Variants in RPTOR observed in about 807,000 individuals in gnomAD.
RPTOR encodes regulatory associated protein of MTOR complex 1.
RPTOR carries 21 observed loss-of-function variants against 169.9 expected under a neutral mutation model. That is an observed-to-expected ratio of 0.12 (90% CI 0.09 to 0.18). RPTOR has a LOEUF of 0.18. RPTOR is among the 10% of genes least tolerant of loss of function. RPTOR has a pLI of 1.00. For synonymous variants in RPTOR, 732 were observed against 753.2 expected (o/e 0.97, Z 0.46); for missense variants, 1,133 against 1,855.9 (o/e 0.61, Z 7.16).
intron 9 of RPTOR, among the ~76,000 whole-genome samples, chr17:80,828,475 C>T (rs990180296): frequency 6.6e-6 from 1 of 152,222 alleles, no homozygotes; most frequent in Non-Finnish European, 1.5e-5. Context: ...TCCCACGCTT[C>T]GATGCCTGGC....
intron 10 of RPTOR, among the ~76,000 whole-genome samples, chr17:80,840,760 ACGG>A (rs2067631810): frequency 9.6e-6 from 1 of 104,324 alleles, no homozygotes; most frequent in African/African-American, 3.8e-5. Flanking sequence ...CTCTCACCAC[ACGG>A]CAGCTCTCAC....
chr17:80,784,700 CTT>C (rs201356839), intron 6 of RPTOR, among the ~76,000 whole-genome samples: 32 of 137,360 alleles, frequency 2.3e-4, no homozygotes, highest in South Asian at 2.3e-4. Flanking sequence ...GCCTATTTTA[CTT>C]TTTTTTTTTT....
Position 80,730,540 on chromosome 17 carries a change from G to A in RPTOR, c.508-20G>A, listed in dbSNP as rs753781366. On this transcript the variant is annotated intron_variant, in intron 4 of 33. Coordinates refer to ENST00000306801, the MANE Select transcript of RPTOR (RefSeq NM_020761.3). The surrounding 1 kb of genome is among the most constrained non-coding windows in gnomAD (Gnocchi z 4.2). Reference sequence around the variant, plus strand: ...TTCCTGAGACGCACATGTAACGAGCGCACTTTGTGTGTTTTCTAGAACTAC... The same window carrying A: ...TTCCTGAGACGCACATGTAACGAGCACACTTTGTGTGTTTTCTAGAACTAC... 9 of 1,610,102 alleles carry A rather than the reference G, an allele frequency of 5.6e-6. No individual in the cohort carries two copies. Among genetic ancestry groups the A allele is most frequent in the African/African-American group, 1.3e-5 (1 of 74,842 alleles).
chr17:80,812,190 G>T (rs982604210), intron 7 of RPTOR, among the ~76,000 whole-genome samples: 2 of 152,192 alleles, frequency 1.3e-5, no homozygotes, highest in Admixed American at 1.3e-4. Flanking sequence ...TTCCAAAATT[G>T]TTCACTTTGT....
chr17:80,959,235 G>T lies in RPTOR; in HGVS notation c.3478-843G>T, dbSNP rs961229803. On this transcript the variant is annotated intron_variant, in intron 29 of 33. Transcript: ENST00000306801. The surrounding 1 kb of genome is among the most constrained non-coding windows in gnomAD (Gnocchi z 6.7). ...ACCTTCTTTGGGGTGGGGGGGTCTT[G>T]CACCTGTCTGGAGCTGTGGCTCCAC... Among the ~76,000 whole-genome samples the T allele has an allele frequency of 6.6e-6, 1 of 152,206 alleles. No individual in the cohort carries two copies. The highest frequency in any genetic ancestry group is 1.5e-5 in the Non-Finnish European group (1 of 68,024).
rs1004135978 is a variant in RPTOR, at chr17:80,721,579, C to A, written c.508-8981C>A. ...GCAGGAGCATCCTTTGGGCTCTTACCTCAGTCGGTGGGGCTGGGCAGCTGG... is the reference window on the plus strand; with the variant it reads ...GCAGGAGCATCCTTTGGGCTCTTACATCAGTCGGTGGGGCTGGGCAGCTGG... On this transcript the variant is annotated intron_variant, in intron 4 of 33. Coordinates refer to ENST00000306801, the MANE Select transcript of RPTOR (RefSeq NM_020761.3). The surrounding 1 kb of genome is among the most constrained non-coding windows in gnomAD (Gnocchi z 4.7). 1.9e-4 allele frequency among the ~76,000 whole-genome samples: 29 copies of A among 151,466 alleles called. 2 individuals are homozygous for A. Among genetic ancestry groups the A allele is most frequent in the African/African-American group, 6.6e-4 (27 of 40,768 alleles).
intron 2 of RPTOR, among the ~76,000 whole-genome samples, chr17:80,632,681 T>C (rs2065451187): frequency 6.6e-6 from 1 of 152,202 alleles, no homozygotes; most frequent in Non-Finnish European, 1.5e-5. Flanking sequence ...AATGGGTAGG[T>C]TCCTGGTCCT....
Position 80,943,565 on chromosome 17 carries a change from G to A in RPTOR, c.3026-2102G>A, listed in dbSNP as rs538154732. On this transcript the variant is annotated intron_variant, in intron 25 of 33. Coordinates refer to ENST00000306801, the MANE Select transcript of RPTOR (RefSeq NM_020761.3). ...TGCTGCAAAGGGCGCCAACTTCTGTGGCTCCCCCCGTTGTCCCAGTGTGCA... is the reference window on the plus strand; with the variant it reads ...TGCTGCAAAGGGCGCCAACTTCTGTAGCTCCCCCCGTTGTCCCAGTGTGCA... 7.2e-5 allele frequency among the ~76,000 whole-genome samples: 11 copies of A among 152,290 alleles called. No homozygotes were observed. In the South Asian group the frequency reaches 1.4e-3, roughly 20 times the overall value.
chr17:80,665,430 T>G (rs1287489424), intron 3 of RPTOR, among the ~76,000 whole-genome samples: 167 of 15,362 alleles, frequency 0.011, 11 homozygotes, highest in African/African-American at 0.1. Context: ...TTCCTTTCCT[T>G]TCCTTTCCTT....
At chr17:80,554,438 G>T (rs1202587364) in intron 1 of RPTOR, among the ~76,000 whole-genome samples, 1 of 151,960 alleles carries the variant, frequency 6.6e-6, no homozygotes, top group Non-Finnish European at 1.5e-5. Context: ...CCCATTGAAT[G>T]TGGCACCAAA....
chr17:80,892,753 G>A lies in RPTOR; in HGVS notation c.2126G>A (p.Arg709Gln), dbSNP rs145440027. 1.9e-6 allele frequency: 3 copies of A among 1,613,902 alleles called. No homozygotes were observed. Among genetic ancestry groups the A allele is most frequent in the African/African-American group, 1.3e-5 (1 of 74,898 alleles). ...GAGGGAGGGAGTTTGACCCCAGTGC[G>A]AGACAGCCCGTGCACCCCCAGACTT... ...TTEGGSLTPV[R>Q]DSPCTPRLRS... The change falls in exon 19 of 34, where the codon CGA becomes CAA. Residue 709 changes from arginine to glutamine, a missense_variant. Arg to Gln is a conservative substitution (Grantham distance 43). Around this residue, in one of 9 missense-constraint regions of RPTOR, gnomAD observed 150 missense variants for 206.4 expected, o/e 0.73. Transcript: ENST00000306801.
rs2066151082 is a variant in RPTOR at position 80,707,552 on chromosome 17, T to TA, written c.349-287dup. 6.6e-6 allele frequency among the ~76,000 whole-genome samples: 1 copy of TA among 151,824 alleles called. No individual in the cohort carries two copies. The highest frequency in any genetic ancestry group is 1.5e-5 in the Non-Finnish European group (1 of 67,954). On this transcript the variant is annotated intron_variant, in intron 3 of 33. Coordinates refer to ENST00000306801, the MANE Select transcript of RPTOR (RefSeq NM_020761.3). This position sits in a 1 kb window ranked among gnomAD's most constrained non-coding sequence, Gnocchi z 5.0. ...ACAGGTGTGTGCCACCACACCTGGC[T>TA]AATTTTTTTTTTTTTTAATTGTAGA...
At chr17:80,929,140 G>C (rs1188779325) in intron 24 of RPTOR, among the ~76,000 whole-genome samples, 2 of 152,208 alleles carry the variant, frequency 1.3e-5, no homozygotes, top group Non-Finnish European at 2.9e-5. Context: ...TTAAAATGAT[G>C]GATCCATGGG....
intron 21 of RPTOR, among the ~76,000 whole-genome samples, chr17:80,919,174 CTAGGACT>C (rs1481740430): frequency 1.3e-5 from 2 of 152,178 alleles, no homozygotes; most frequent in Non-Finnish European, 2.9e-5. Flanking sequence ...GGAATAATAC[CTAGGACT>C]TACTTTTCCA....
intron 24 of RPTOR, among the ~76,000 whole-genome samples, chr17:80,930,391 C>T (rs868404856): frequency 6.3e-3 from 61 of 9,660 alleles, no homozygotes; most frequent in African/African-American, 0.026. Flanking sequence ...CTCAGCTCAG[C>T]TCATTCTCAG....
chr17:80,886,939 T>C (rs2068254481), intron 17 of RPTOR, among the ~76,000 whole-genome samples: 2 of 152,118 alleles, frequency 1.3e-5, no homozygotes, highest in Non-Finnish European at 2.9e-5. Context: ...TGTGGAGAAA[T>C]ACTGCCTGGA....
intron 3 of RPTOR, among the ~76,000 whole-genome samples, chr17:80,687,898 C>T (rs1393754537): frequency 6.6e-6 from 1 of 152,160 alleles, no homozygotes; most frequent in Admixed American, 6.5e-5. Context: ...TGTCCATCGC[C>T]GCTGGCATAC....
chr17:80,615,186 C>CA (rs1157713573), intron 1 of RPTOR, among the ~76,000 whole-genome samples: 3 of 152,176 alleles, frequency 2.0e-5, no homozygotes, highest in Non-Finnish European at 4.4e-5. Flanking sequence ...TGGTAGGCTT[C>CA]AAGGGGGCTT....
chr17:80,752,666 G>T (rs1173533510), intron 5 of RPTOR, among the ~76,000 whole-genome samples: 2 of 152,212 alleles, frequency 1.3e-5, no homozygotes, highest in Non-Finnish European at 2.9e-5. Flanking sequence ...CAATCTCAGT[G>T]CTAGTATAAT....
Sources: gnomAD v4.1 joint callset for allele counts (sites outside exome capture counted in the v4.1 genomes callset) on GRCh38, gnomAD v4.1.1 for gene constraint, gnomAD v4.1.1 regional missense constraint, Gnocchi (gnomAD v3.1) non-coding constraint, MANE v1.5 for transcripts, NCBI Gene and HGNC (gene_info 2026-07-23, HGNC 2026-07-21) for gene names.